Variants in MAF observed in about 807,000 individuals in gnomAD.
The protein encoded by MAF is MAF bZIP transcription factor.
A neutral mutation model predicts 22.0 loss-of-function variants in MAF; 10 were observed. The observed-to-expected ratio is 0.45, with a 90% CI of 0.28 to 0.77. MAF has a LOEUF of 0.77. MAF is among the 30% of genes least tolerant of loss of function. MAF has a pLI of 0.12. For synonymous variants in MAF, 337 were observed against 255.8 expected (o/e 1.32, Z -3.03); for missense variants, 544 against 548.4 (o/e 0.99, Z 0.08).
At chr16:79,397,437 C>T in the MAF span, among the ~76,000 whole-genome samples, 1 of 152,214 alleles carries the variant, frequency 6.6e-6, no homozygotes, top group Non-Finnish European at 1.5e-5. Flanking sequence ...AATATTTCTA[C>T]TGCTCATATT....
chr16:79,404,892 C>T, the MAF span, among the ~76,000 whole-genome samples: 4 of 152,136 alleles, frequency 2.6e-5, no homozygotes, highest in African/African-American at 9.7e-5. Context: ...CTCTCTTCTC[C>T]CCAGACACTT....
the MAF span, among the ~76,000 whole-genome samples, chr16:79,294,058 G>C: frequency 2.6e-5 from 4 of 152,304 alleles, no homozygotes; most frequent in Non-Finnish European, 4.4e-5. Flanking sequence ...GGGTAATTAA[G>C]ATTCCATCAC....
At chr16:79,598,158 A>C in intron 1 of MAF, 1 of 1,051,438 alleles carries the variant, frequency 9.5e-7, no homozygotes, top group African/African-American at 1.7e-5. Context: ...AAGAAAAAAA[A>C]ACTTTGCTTT....
chr16:79,392,245 G>C, the MAF span, among the ~76,000 whole-genome samples: 60 of 147,566 alleles, frequency 4.1e-4, 2 homozygotes, highest in South Asian at 0.013. Flanking sequence ...GGGGAGAGGA[G>C]AAAGAGAGAA....
the MAF span, among the ~76,000 whole-genome samples, chr16:79,512,005 C>G: frequency 2.0e-5 from 3 of 152,302 alleles, no homozygotes; most frequent in East Asian, 1.9e-4. Context: ...AGTGATCTCT[C>G]TAACCTGACA....
chr16:79,566,797 C>T, the MAF span, among the ~76,000 whole-genome samples: 1 of 152,158 alleles, frequency 6.6e-6, no homozygotes, highest in African/African-American at 2.4e-5. Context: ...AAATGGGACT[C>T]TCACCCGGAG....
At chr16:79,550,545 C>A in the MAF span, among the ~76,000 whole-genome samples, 1 of 152,180 alleles carries the variant, frequency 6.6e-6, no homozygotes, top group African/African-American at 2.4e-5. Context: ...CAGACTACAA[C>A]AGAAGCTAGC....
the MAF span, among the ~76,000 whole-genome samples, chr16:79,306,888 A>C: frequency 1.3e-5 from 2 of 152,212 alleles, no homozygotes; most frequent in African/African-American, 4.8e-5. Context: ...TAGCTGCATT[A>C]CAGGGTTGTT....
the MAF span, among the ~76,000 whole-genome samples, chr16:79,501,536 A>G: frequency 1.4e-4 from 21 of 151,736 alleles, no homozygotes; most frequent in East Asian, 4.1e-3. Flanking sequence ...TTGAGGCCAC[A>G]TTGCATTCAA....
the MAF span, chr16:79,203,758 C>T: frequency 3.3e-5 from 5 of 152,148 alleles, no homozygotes; most frequent in Admixed American, 2.0e-4. Flanking sequence ...TGAAGATATT[C>T]TTTGCGCTGT....
the MAF span, among the ~76,000 whole-genome samples, chr16:79,527,080 C>A: frequency 1.3e-5 from 2 of 152,196 alleles, no homozygotes; most frequent in South Asian, 2.1e-4. Flanking sequence ...GTGGGGGAAC[C>A]TGGCTTTACA....
the MAF span, among the ~76,000 whole-genome samples, chr16:79,576,305 T>C: frequency 4.9e-5 from 7 of 142,748 alleles, no homozygotes; most frequent in African/African-American, 1.8e-4. Flanking sequence ...CCCCATACAA[T>C]GTGAATTCCA....
chr16:79,594,456 A>C lies in MAF; in HGVS notation c.*4T>G. ...TTTTTTAATGTACAGCTCTCACACA[A>C]ATTTCATTTTGTGAACACACTGGTA... On this transcript the variant is annotated 3_prime_UTR_variant, in exon 2 of 2. Coordinates refer to ENST00000326043, the MANE Select transcript of MAF (RefSeq NM_005360.5). The C allele has an allele frequency of 1.9e-6, 3 of 1,555,332 alleles. No individual in the cohort carries two copies. The highest frequency in any genetic ancestry group is 2.6e-6 in the Non-Finnish European group (3 of 1,148,128).
At chr16:79,335,779 C>T in the MAF span, among the ~76,000 whole-genome samples, 1 of 152,210 alleles carries the variant, frequency 6.6e-6, no homozygotes, top group Non-Finnish European at 1.5e-5. Flanking sequence ...TGGCTGCTGG[C>T]TCCAACTCTG....
At chr16:79,429,860 C>T in the MAF span, among the ~76,000 whole-genome samples, 1 of 152,168 alleles carries the variant, frequency 6.6e-6, no homozygotes, top group Non-Finnish European at 1.5e-5. Context: ...CAGCCTAACC[C>T]CCCAGGAAAG....
At chr16:79,371,619 C>A in the MAF span, among the ~76,000 whole-genome samples, 2 of 152,308 alleles carry the variant, frequency 1.3e-5, no homozygotes, top group Non-Finnish European at 2.9e-5. Context: ...TTCACATATG[C>A]TGTTCCCTTT....
At chr16:79,415,195 G>A in the MAF span, among the ~76,000 whole-genome samples, 1 of 147,212 alleles carries the variant, frequency 6.8e-6, no homozygotes, top group South Asian at 2.3e-4. Flanking sequence ...ACTCTTGTTA[G>A]TTCATTAGCA....
the MAF span, among the ~76,000 whole-genome samples, chr16:79,490,524 G>C: frequency 6.6e-6 from 1 of 152,090 alleles, no homozygotes; most frequent in Admixed American, 6.6e-5. Flanking sequence ...CCTTTAAAAA[G>C]AAAGAGACAG....
chr16:79,469,137 G>A, the MAF span, among the ~76,000 whole-genome samples: 1 of 152,122 alleles, frequency 6.6e-6, no homozygotes, highest in Non-Finnish European at 1.5e-5. Context: ...AGCCCTGCAA[G>A]CCCCATCCAG....
Sources: allele counts gnomAD v4.1 joint callset (sites outside exome capture counted in the v4.1 genomes callset), GRCh38; gene constraint gnomAD v4.1.1; transcripts MANE v1.5; gene names NCBI Gene and HGNC (gene_info 2026-07-23, HGNC 2026-07-21).